Variants in PIWIL2 observed in about 807,000 individuals in gnomAD.
The protein encoded by PIWIL2 is piwi-like protein 2.
A neutral mutation model predicts 116.5 loss-of-function variants in PIWIL2; 81 were observed. That is an observed-to-expected ratio of 0.70 (90% CI 0.58 to 0.84). The LOEUF (loss-of-function observed/expected upper bound fraction) is 0.84. Ranked by LOEUF, PIWIL2 falls within the 40% of genes least tolerant of loss-of-function variation. The pLI is 0.00. For synonymous variants in PIWIL2, 489 were observed against 429.5 expected (o/e 1.14, Z -1.71); for missense variants, 1,272 against 1,212.3 (o/e 1.05, Z -0.73).
intron 2 of PIWIL2, among the ~76,000 whole-genome samples, chr8:22,280,529 A>G (rs948249952): frequency 2.0e-5 from 3 of 152,222 alleles, no homozygotes; most frequent in Non-Finnish European, 4.4e-5. Context: ...TTATAAGGAG[A>G]AAAGTTTATG....
Position 22,316,274 on chromosome 8 carries a change from T to C in PIWIL2, c.2238T>C (p.Val746=). Reference sequence around the variant, plus strand: ...AGTTAATGGTGATCGGGATGGATGTTTACCATGACCCCAGTAGAGGCATGC... The same window carrying C: ...AGTTAATGGTGATCGGGATGGATGTCTACCATGACCCCAGTAGAGGCATGC... ...LKQLMVIGMD[V]YHDPSRGMRS... Residue 746 remains valine, a synonymous_variant, in exon 19 of 23, where the codon GTT becomes GTC. Coordinates refer to ENST00000356766, the MANE Select transcript of PIWIL2 (RefSeq NM_018068.5). 6.2e-7 allele frequency: 1 copy of C among 1,613,548 alleles called. No individual in the cohort carries two copies. The highest frequency in any genetic ancestry group is 2.2e-5 in the East Asian group (1 of 44,872).
chr8:22,294,154 A>G (rs1181931757), intron 10 of PIWIL2, among the ~76,000 whole-genome samples: 1 of 151,694 alleles, frequency 6.6e-6, no homozygotes, highest in Non-Finnish European at 1.5e-5. Flanking sequence ...CCTGGCCAAC[A>G]TGGTGAAACC....
chr8:22,291,653 C>T (rs895131459), intron 10 of PIWIL2, among the ~76,000 whole-genome samples: 14 of 152,130 alleles, frequency 9.2e-5, no homozygotes, highest in Admixed American at 7.9e-4. Context: ...TATTCAGTTT[C>T]TTTTCCCACC....
chr8:22,336,426 G>A (rs1334860227), intron 20 of PIWIL2, among the ~76,000 whole-genome samples: 1 of 152,120 alleles, frequency 6.6e-6, no homozygotes, highest in African/African-American at 2.4e-5. Flanking sequence ...ATACTTGGGA[G>A]ATGACTGAAA....
At chr8:22,324,806 AC>A (rs113142046) in intron 20 of PIWIL2, among the ~76,000 whole-genome samples, 13,055 of 152,216 alleles carry the variant, frequency 0.086, 1,867 homozygotes, top group African/African-American at 0.3. Flanking sequence ...GGAAATTTAG[AC>A]ACAGAGGCAG....
chr8:22,300,226 C>T (rs1010474175), intron 10 of PIWIL2, among the ~76,000 whole-genome samples: 4 of 152,052 alleles, frequency 2.6e-5, no homozygotes, highest in African/African-American at 4.8e-5. Context: ...ATAAGGGGGG[C>T]GAGGAAGAAG....
In PIWIL2 at chr8:22,327,292, C is replaced by T. The variant is rs550542667; in HGVS notation, c.2403+9017C>T. ...CCTCAGGTGATCCGCCCAGCTCAGC[C>T]TCCCAAAGTGAGGCACCACGCCTGG... On this transcript the variant is annotated intron_variant, in intron 20 of 22. Transcript: ENST00000356766. Among the ~76,000 whole-genome samples, 50 of 151,286 alleles carry T rather than the reference C, an allele frequency of 3.3e-4. No individual in the cohort carries two copies. In the South Asian group the frequency reaches 0.01, roughly 32 times the overall value.
intron 20 of PIWIL2, among the ~76,000 whole-genome samples, chr8:22,342,666 G>T (rs1443906754): frequency 6.6e-6 from 1 of 152,104 alleles, no homozygotes; most frequent in Non-Finnish European, 1.5e-5. Context: ...AAAACTTACA[G>T]AAGATAACAT....
intron 16 of PIWIL2, among the ~76,000 whole-genome samples, chr8:22,313,929 G>C (rs929645728): frequency 3.9e-5 from 6 of 152,128 alleles, no homozygotes; most frequent in African/African-American, 1.4e-4. Context: ...AAGTTCTGTG[G>C]TATGAGTGTA....
rs1209205407 is a variant in PIWIL2, at chr8:22,281,117, C to T, written c.199-3C>T. On this transcript the variant is annotated splice_polypyrimidine_tract_variant and splice_region_variant and intron_variant, in intron 2 of 22. Coordinates refer to ENST00000356766, the MANE Select transcript of PIWIL2 (RefSeq NM_018068.5). ...TAGAACTTTATTCTTTGACTTTCCA[C>T]AGGAGTCTGTGGGTTTGGTCTCCAT... 1 of 1,598,660 alleles carries T rather than the reference C, an allele frequency of 6.3e-7. No homozygotes were observed. Among genetic ancestry groups the T allele is most frequent in the South Asian group, 1.1e-5 (1 of 88,536 alleles).
intron 14 of PIWIL2, among the ~76,000 whole-genome samples, chr8:22,309,488 G>C (rs1325649907): frequency 6.6e-6 from 1 of 151,650 alleles, no homozygotes; most frequent in African/African-American, 2.4e-5. Context: ...ACAGGCATGC[G>C]CCACCACACC....
intron 3 of PIWIL2, 54 bp downstream of exon 3, chr8:22,281,261 TA>T: frequency 1.9e-6 from 3 of 1,547,620 alleles, no homozygotes; most frequent in Non-Finnish European, 2.6e-6. Flanking sequence ...TGGTTTCTTC[TA>T]AAATCCAAAT....
intron 4 of PIWIL2, among the ~76,000 whole-genome samples, chr8:22,282,485 G>GCCGTGGTGATT (rs1441515389): frequency 3.9e-5 from 6 of 152,202 alleles, no homozygotes; most frequent in African/African-American, 1.4e-4. Context: ...CCTGCACGCA[G>GCCGTGGTGATT]CCGTGGTGAT....
In PIWIL2 at chr8:22,349,811, C is replaced by G. The variant is rs2132109934; in HGVS notation, c.2404-3148C>G. 1.3e-5 allele frequency among the ~76,000 whole-genome samples: 2 copies of G among 152,316 alleles called. 1 individual carries two copies. The highest frequency in any genetic ancestry group is 4.1e-4 in the South Asian group (2 of 4,830). On this transcript the variant is annotated intron_variant, in intron 20 of 22. Coordinates refer to ENST00000356766, the MANE Select transcript of PIWIL2 (RefSeq NM_018068.5). Reference sequence around the variant, plus strand: ...GGCTGGTAAATGGGCATGATTCAGGCTAACTCCTGGGGTTTCAGAAGCAGG... The same window carrying G: ...GGCTGGTAAATGGGCATGATTCAGGGTAACTCCTGGGGTTTCAGAAGCAGG...
chr8:22,321,985 GC>G, intron 20 of PIWIL2: 1 of 984,200 alleles, frequency 1.0e-6, no homozygotes, highest in Non-Finnish European at 1.2e-6. Flanking sequence ...CTCTGGACTC[GC>G]ATGCAATAAT....
chr8:22,353,764 CTTTTTT>C (rs760913894), intron 21 of PIWIL2, among the ~76,000 whole-genome samples: 12 of 68,362 alleles, frequency 1.8e-4, no homozygotes, highest in Admixed American at 8.2e-4. Flanking sequence ...GTTTCTACCA[CTTTTTT>C]TTTTTTTTTT....
At chr8:22,290,612 A>G (rs915434338) in intron 10 of PIWIL2, among the ~76,000 whole-genome samples, 14 of 124,072 alleles carry the variant, frequency 1.1e-4, no homozygotes, top group African/African-American at 4.0e-4. Flanking sequence ...GCCAATTTTT[A>G]ATTTTTTTTT....
rs553472363 is a variant in PIWIL2 at position 22,297,372 on chromosome 8, C to T, written c.1182-6649C>T. 1.2e-4 allele frequency among the ~76,000 whole-genome samples: 19 copies of T among 152,286 alleles called. No homozygotes were observed. The South Asian group carries it at 3.5e-3, about 28-fold the overall frequency. Reference sequence around the variant, plus strand: ...GCCTTAAGTTATCCTCCTTCTACATCGGCCCCCTAAAGTGCTAGGATTACA... The same window carrying T: ...GCCTTAAGTTATCCTCCTTCTACATTGGCCCCCTAAAGTGCTAGGATTACA... On this transcript the variant is annotated intron_variant, in intron 10 of 22. Transcript: ENST00000356766.
At chr8:22,327,912 G>A (rs1563407444) in intron 20 of PIWIL2, among the ~76,000 whole-genome samples, 1 of 152,098 alleles carries the variant, frequency 6.6e-6, no homozygotes, top group Non-Finnish European at 1.5e-5. Context: ...ATTTTCACTT[G>A]CTTGATAATG....
Sources: gnomAD v4.1 joint callset for allele counts (sites outside exome capture counted in the v4.1 genomes callset) on GRCh38, gnomAD v4.1.1 for gene constraint, MANE v1.5 for transcripts, NCBI Gene and HGNC (gene_info 2026-07-23, HGNC 2026-07-21) for gene names.